CACNB1: variants seen among roughly 807,000 people sequenced by gnomAD.
CACNB1 encodes the protein voltage-dependent L-type calcium channel subunit beta-1.
Under a neutral mutation model 71.6 loss-of-function variants are expected in CACNB1, and 29 were observed. The ratio of observed to expected loss-of-function variants is 0.40; its 90% CI spans 0.30 to 0.55. The LOEUF is 0.55. Ranked by LOEUF, CACNB1 falls within the 20% of genes least tolerant of loss-of-function variation. The pLI is 0.38. For synonymous variants in CACNB1, 300 were observed against 319.6 expected (o/e 0.94, Z 0.65); for missense variants, 623 against 801.8 (o/e 0.78, Z 2.69).
Position 39,175,484 on chromosome 17 carries a change from G to C in CACNB1, c.1506C>G (p.Ala502=). The change falls in exon 14 of 14, where the codon GCC becomes GCG. Residue 502 remains alanine (A), a synonymous_variant. Transcript: ENST00000394303. The surrounding 1 kb of genome is among the most constrained non-coding windows in gnomAD (Gnocchi z 4.7). ...CAGAGTTTCGGCTGCCGGGGGTGTC[G>C]GCATCAAAAGTGTCTTGGCGGGACA... ...RALSRQDTFD[A]DTPGSRNSAY... 1.2e-6 allele frequency: 2 copies of C among 1,614,058 alleles called. No homozygotes were observed. The highest frequency in any genetic ancestry group is 8.5e-7 in the Non-Finnish European group (1 of 1,180,024).
intron 7 of CACNB1, 22 bp from the exon 8 acceptor site, chr17:39,184,886 G>A: frequency 2.1e-6 from 3 of 1,460,974 alleles, no homozygotes; most frequent in Non-Finnish European, 2.9e-6. Flanking sequence ...AGCAGGGAGG[G>A]GAAACCCCAG....
At chr17:39,182,331 A>AAG (rs2045790564) in intron 11 of CACNB1, among the ~76,000 whole-genome samples, 1 of 151,554 alleles carries the variant, frequency 6.6e-6, no homozygotes, top group South Asian at 2.1e-4. Flanking sequence ...TCTCAAAAAA[A>AAG]AAAAAGGTTA....
intron 11 of CACNB1, among the ~76,000 whole-genome samples, chr17:39,180,262 C>CAA (rs113605525): frequency 8.6e-5 from 10 of 116,740 alleles, no homozygotes; most frequent in Middle Eastern, 4.7e-3. Flanking sequence ...GACCCTAGCT[C>CAA]AAAAAAAAAA....
At position 39,175,386 on chromosome 17, in the gene CACNB1, G is replaced by C; in HGVS notation, c.1604C>G (p.Pro535Arg). The change falls in exon 14 of 14, where the codon CCT (proline) becomes CGT (arginine). Residue 535 changes from proline to arginine, a missense_variant. Physicochemically the swap from Pro to Arg is moderately radical, Grantham distance 103. Coordinates refer to ENST00000394303, the MANE Select transcript of CACNB1 (RefSeq NM_000723.5). This position sits in a 1 kb window ranked among gnomAD's most constrained non-coding sequence, Gnocchi z 4.7. The stretch of plus-strand genomic sequence containing the variant: ...GGCTGGGGGCGTGCCGCCCCCTGCA[G>C]GGTCTCCAAGCCCTGGCCCCTCTGA... Reference protein sequence around the residue: ...DPSEGPGLGDPAGGGTPPARQ... With the variant: ...DPSEGPGLGDRAGGGTPPARQ... The C allele has an allele frequency of 6.2e-7, 1 of 1,614,200 alleles. No individual in the cohort carries two copies. Among genetic ancestry groups the C allele is most frequent in the Non-Finnish European group, 8.5e-7 (1 of 1,180,040 alleles).
Position 39,184,375 on chromosome 17 carries a change from G to A in CACNB1, c.738C>T (p.Asp246=). The change falls in exon 9 of 14, where the codon GAC becomes GAT. Residue 246 remains aspartate (D), a synonymous_variant. Transcript: ENST00000394303. ...AGTCAAATAAAGCTTTCTGCATCAT[G>A]TCTGTAACCTGGGGGTGGGGGTTTG... The part of the protein sequence containing the change: ...GPSLKGYEVT[D]MMQKALFDFL... The A allele has an allele frequency of 7.7e-7, 1 of 1,296,454 alleles. No homozygotes were observed. Among genetic ancestry groups the A allele is most frequent in the East Asian group, 3.0e-5 (1 of 33,312 alleles). 80.3% of individuals were successfully genotyped at this position (1,296,454 alleles called of 1,614,324 possible).
Position 39,187,584 on chromosome 17 carries a change from A to G in CACNB1, c.309T>C (p.Phe103=), listed in dbSNP as rs771530738. ...LEKAKTKPVA[F]AVRTNVGYNP... ...TGTAGCCAACATTTGTCCGCACAGC[A>G]AATGCCACTGGCTTGGTCTAGAGGA... The change falls in exon 4 of 14, where the codon TTT becomes TTC. Residue 103 remains phenylalanine, a synonymous_variant. Coordinates refer to ENST00000394303, the MANE Select transcript of CACNB1 (RefSeq NM_000723.5). 3.7e-6 allele frequency: 6 copies of G among 1,614,100 alleles called. No individual in the cohort carries two copies. In the East Asian group the frequency reaches 1.3e-4, roughly 36 times the overall value.
intron 11 of CACNB1, among the ~76,000 whole-genome samples, chr17:39,181,642 C>T (rs941170630): frequency 6.6e-6 from 1 of 152,172 alleles, no homozygotes; most frequent in African/African-American, 2.4e-5. Context: ...CATCCATTAT[C>T]TCATTTGGTC....
rs567656289 is a variant in CACNB1, at chr17:39,181,323, A to G, written c.1050+2390T>C. Among the ~76,000 whole-genome samples the G allele has an allele frequency of 4.6e-5, 7 of 152,232 alleles. No homozygotes were observed. In the South Asian group the frequency reaches 1.5e-3, roughly 32 times the overall value. ...TGCCCAGGCTGGTCTTGAACTCTTTAGCTCAGGCAATCCGCCGGCCTCGGG... is the reference window on the plus strand; with the variant it reads ...TGCCCAGGCTGGTCTTGAACTCTTTGGCTCAGGCAATCCGCCGGCCTCGGG... On this transcript the variant is annotated intron_variant, in intron 11 of 13. Transcript: ENST00000394303.
intron 2 of CACNB1, chr17:39,193,605 A>C: frequency 3.2e-6 from 1 of 315,820 alleles, no homozygotes; most frequent in Non-Finnish European, 6.4e-6. Flanking sequence ...TAGCTCAGAG[A>C]TGTGGCAAGG....
At chr17:39,185,464 A>C (rs1312398261) in intron 6 of CACNB1, among the ~76,000 whole-genome samples, 1 of 152,124 alleles carries the variant, frequency 6.6e-6, no homozygotes, top group Admixed American at 6.5e-5. Flanking sequence ...AGAGGGTGAC[A>C]GCCCCTATCT....
rs879125521 is a variant in CACNB1, at chr17:39,174,108, T to G, written c.*1085A>C. The G allele has an allele frequency of 2.0e-5, 3 of 152,848 alleles. No homozygotes were observed. The South Asian group carries it at 6.2e-4, about 32-fold the overall frequency. 9.5% of individuals were successfully genotyped at this position (152,848 alleles called of 1,614,324 possible). On this transcript the variant is annotated 3_prime_UTR_variant, in exon 14 of 14. Coordinates refer to ENST00000394303, the MANE Select transcript of CACNB1 (RefSeq NM_000723.5). ...CTGGGATGCTGGGGAGGGGCAGGGT[T>G]GCTGGGCTACAGGGATGCCAAGGCA...
In CACNB1 at chr17:39,175,631, C is replaced by T; in HGVS notation, c.1359G>A (p.Gln453=). ...GCTCCCCGGTGGCCCGTTCCAGTGG[C>T]TGGTCCCCGGAAGCAAGGTAGGGTC... The part of the protein sequence containing the change: ...LQGPYLASGD[Q]PLERATGEHA... The change falls in exon 14 of 14, where the codon CAG becomes CAA. Residue 453 remains glutamine, a synonymous_variant. Transcript: ENST00000394303. The surrounding 1 kb of genome is among the most constrained non-coding windows in gnomAD (Gnocchi z 4.7). 1 of 1,575,174 alleles carries T rather than the reference C, an allele frequency of 6.3e-7. No individual in the cohort carries two copies. The highest frequency in any genetic ancestry group is 8.6e-7 in the Non-Finnish European group (1 of 1,159,010).
chr17:39,196,943 C>T (rs1281087735), intron 1 of CACNB1, among the ~76,000 whole-genome samples: 2 of 152,064 alleles, frequency 1.3e-5, no homozygotes, highest in Non-Finnish European at 2.9e-5. Context: ...GGCCTGTTGG[C>T]ATTTGGCACC....
rs182561393 is a variant in CACNB1 at position 39,173,622 on chromosome 17, G to A, written c.*1571C>T. ...GGACTGCCCAAGCAGCTCCTGGCTT[G>A]GGCACAATACATCAGAGGGCCAAAA... On this transcript the variant is annotated 3_prime_UTR_variant, in exon 14 of 14. Coordinates refer to ENST00000394303, the MANE Select transcript of CACNB1 (RefSeq NM_000723.5). The A allele has an allele frequency of 1.3e-3, 194 of 152,432 alleles. No homozygotes were observed. The highest frequency in any genetic ancestry group is 4.6e-3 in the African/African-American group (190 of 41,534). The allele number at this position is 152,432 out of a possible 1,614,324, so 9.4% of individuals were successfully genotyped here.
chr17:39,185,565 C>T (rs569578888), intron 6 of CACNB1, among the ~76,000 whole-genome samples: 2 of 152,016 alleles, frequency 1.3e-5, no homozygotes, highest in Non-Finnish European at 2.9e-5. Flanking sequence ...AGCCCCCCCC[C>T]ACTATGTGCC....
chr17:39,179,513 G>A (rs375255768), intron 11 of CACNB1, among the ~76,000 whole-genome samples: 418 of 150,250 alleles, frequency 2.8e-3, no homozygotes, highest in African/African-American at 9.5e-3. Context: ...CCTGGGAGGC[G>A]GAGCTTGCAG....
intron 1 of CACNB1, among the ~76,000 whole-genome samples, chr17:39,195,669 C>T (rs572281541): frequency 1.3e-5 from 2 of 152,294 alleles, no homozygotes; most frequent in Admixed American, 1.3e-4. Flanking sequence ...CTTGCCCAGA[C>T]AGGACTTTTT....
At chr17:39,183,920 C>G (rs770750696) in intron 10 of CACNB1, 56 bp from the exon 11 acceptor site, 2 of 1,583,450 alleles carry the variant, frequency 1.3e-6, no homozygotes, top group African/African-American at 1.3e-5. Flanking sequence ...CCAGGAACAG[C>G]AGGTGGAGGG....
rs2045543111 is a variant in CACNB1, at chr17:39,175,137, C to T, written c.*56G>A. 2 of 1,408,832 alleles carry T rather than the reference C, an allele frequency of 1.4e-6. No individual in the cohort carries two copies. The allele number at this position is 1,408,832 out of a possible 1,614,324, so 87.3% of individuals were successfully genotyped here. On this transcript the variant is annotated 3_prime_UTR_variant, in exon 14 of 14. Transcript: ENST00000394303. This position sits in a 1 kb window ranked among gnomAD's most constrained non-coding sequence, Gnocchi z 4.7. ...ATACATGTCAGGTGTGAGCCCCTCG[C>T]TCCCTCCCCTCCCCTGGGCTCAGAG... is the stretch of plus-strand genomic sequence containing the variant.
Sources: gnomAD v4.1 joint callset for allele counts (sites outside exome capture counted in the v4.1 genomes callset) on GRCh38, gnomAD v4.1.1 for gene constraint, Gnocchi (gnomAD v3.1) non-coding constraint, MANE v1.5 for transcripts, NCBI Gene and HGNC (gene_info 2026-07-23, HGNC 2026-07-21) for gene names.